The following POLR3B variants were observed in gnomAD, a reference collection of about 807,000 sequenced individuals.
The protein encoded by POLR3B is RNA polymerase III subunit B, also known as DNA-directed RNA polymerase III subunit RPC2.
A neutral mutation model predicts 147.4 loss-of-function variants in POLR3B; 96 were observed. That is an observed-to-expected ratio of 0.65 (90% CI 0.55 to 0.77). The LOEUF (loss-of-function observed/expected upper bound fraction) is 0.77, where lower values mean the gene tolerates loss of function less well. Ranked by LOEUF, POLR3B falls within the 30% of genes least tolerant of loss-of-function variation. The pLI, the probability that POLR3B is intolerant of heterozygous loss-of-function variation, is 0.00. For missense variants in POLR3B, 1,036 were observed against 1,413.5 expected (o/e 0.73, Z 4.28); for synonymous variants, 461 against 485.9 (o/e 0.95, Z 0.67).
At chr12:106,462,966 G>C (rs1433976026) in intron 22 of POLR3B, among the ~76,000 whole-genome samples, 1 of 152,000 alleles carries the variant, frequency 6.6e-6, no homozygotes, top group Non-Finnish European at 1.5e-5. Context: ...TCCTTGATTG[G>C]ATTGTGAGCT....
At chr12:106,496,692 AAGC>A (rs1363971416) in intron 24 of POLR3B, 57 bp from the exon 25 acceptor site, 1 of 1,412,266 alleles carries the variant, frequency 7.1e-7, no homozygotes, top group African/African-American at 1.4e-5. Context: ...GGAGATAAAT[AAGC>A]AGAGAGAGTG....
At chr12:106,390,453 G>A (rs2036899532) in intron 9 of POLR3B, among the ~76,000 whole-genome samples, 1 of 152,052 alleles carries the variant, frequency 6.6e-6, no homozygotes, top group Non-Finnish European at 1.5e-5. Context: ...CAAAGTAAAT[G>A]CAACTCAGTG....
intron 10 of POLR3B, among the ~76,000 whole-genome samples, chr12:106,398,013 G>A (rs890470852): frequency 2.0e-5 from 3 of 152,220 alleles, no homozygotes; most frequent in Non-Finnish European, 2.9e-5. Context: ...CGCACCGTGC[G>A]TGAGCCAAAG....
At chr12:106,507,935 A>G (rs1288295679) in intron 27 of POLR3B, 1 of 373,300 alleles carries the variant, frequency 2.7e-6, no homozygotes, top group Non-Finnish European at 5.3e-6. Context: ...GATGACCACT[A>G]TTAACATTTT....
chr12:106,404,050 A>G (rs1406832730), intron 10 of POLR3B, among the ~76,000 whole-genome samples: 4 of 151,528 alleles, frequency 2.6e-5, no homozygotes, highest in Admixed American at 2.6e-4. Context: ...AAATGATTGT[A>G]CCATTTTGCA....
chr12:106,433,938 G>C, intron 16 of POLR3B, 66 bp downstream of exon 16: 2 of 1,336,790 alleles, frequency 1.5e-6, no homozygotes, highest in Non-Finnish European at 2.1e-6. Context: ...GAAAGAAATA[G>C]ACTTGTTTTT....
chr12:106,465,647 G>A (rs992881118), intron 23 of POLR3B, among the ~76,000 whole-genome samples: 1 of 152,150 alleles, frequency 6.6e-6, no homozygotes. Context: ...GGTGTGTGAT[G>A]TTCCCCTCCC....
In POLR3B at chr12:106,442,890, A is replaced by T. The variant is rs147169054; in HGVS notation, c.1956-1573A>T. ...GTACTCTTTCCTATTAACACATCTG[A>T]GTAGCTTCATCATTTGGCCAAAAAA... On this transcript the variant is annotated intron_variant, in intron 18 of 27. Coordinates refer to ENST00000228347, the MANE Select transcript of POLR3B (RefSeq NM_018082.6). 2.9e-3 allele frequency among the ~76,000 whole-genome samples: 444 copies of T among 152,250 alleles called. 2 individuals are homozygous for T. Among genetic ancestry groups the T allele is most frequent in the African/African-American group, 0.01 (417 of 41,550 alleles).
At chr12:106,448,473 G>C (rs2037753906) in intron 19 of POLR3B, among the ~76,000 whole-genome samples, 1 of 103,610 alleles carries the variant, frequency 9.7e-6, no homozygotes, top group Admixed American at 1.5e-4. Context: ...GAGTCTTGCT[G>C]TCACCCAGGC....
At chr12:106,417,738 G>T (rs1163876863) in intron 12 of POLR3B, among the ~76,000 whole-genome samples, 2 of 152,084 alleles carry the variant, frequency 1.3e-5, no homozygotes, top group Non-Finnish European at 1.5e-5. Context: ...CCTTCAGATT[G>T]ACCATTGTGC....
At chr12:106,507,034 A>G (rs904224204) in intron 27 of POLR3B, among the ~76,000 whole-genome samples, 7 of 152,148 alleles carry the variant, frequency 4.6e-5, no homozygotes, top group African/African-American at 1.2e-4. Context: ...AGGCATTGCT[A>G]TGGGGATGTT....
chr12:106,393,228 G>A (rs779923174), intron 10 of POLR3B, 75 bp downstream of exon 10: 9 of 1,577,546 alleles, frequency 5.7e-6, no homozygotes, highest in South Asian at 4.4e-5. Flanking sequence ...AAAGCTCATC[G>A]GATGTGATGG....
rs147139753 is a variant in POLR3B, at chr12:106,396,991, G to A, written c.846+3838G>A. ...GTTTTAATTAGCTGGGCATGGTGGC[G>A]TGTGCCTGTAGTTCTGCTACTTGGG... On this transcript the variant is annotated intron_variant, in intron 10 of 27. Coordinates refer to ENST00000228347, the MANE Select transcript of POLR3B (RefSeq NM_018082.6). Among the ~76,000 whole-genome samples, 413 of 151,942 alleles carry A rather than the reference G, an allele frequency of 2.7e-3. 1 individual carries two copies. The highest frequency in any genetic ancestry group is 9.0e-3 in the African/African-American group (373 of 41,456).
chr12:106,445,423 A>G (rs562044239), intron 19 of POLR3B, among the ~76,000 whole-genome samples: 2 of 152,238 alleles, frequency 1.3e-5, no homozygotes, highest in East Asian at 3.9e-4. Flanking sequence ...AAGACTGAGT[A>G]TTTTTGAAGG....
intron 19 of POLR3B, among the ~76,000 whole-genome samples, chr12:106,452,773 A>G (rs2037813550): frequency 6.6e-6 from 1 of 152,208 alleles, no homozygotes; most frequent in East Asian, 1.9e-4. Context: ...TTATAGTGCA[A>G]CCTTGATAAA....
intron 18 of POLR3B, among the ~76,000 whole-genome samples, chr12:106,438,075 T>G (rs1235011473): frequency 1.3e-5 from 2 of 152,162 alleles, no homozygotes; most frequent in Non-Finnish European, 2.9e-5. Context: ...TGGTGTGTGT[T>G]GTTCCCCTCC....
At chr12:106,401,975 T>G (rs1438109918) in intron 10 of POLR3B, among the ~76,000 whole-genome samples, 2 of 152,086 alleles carry the variant, frequency 1.3e-5, no homozygotes, top group Non-Finnish European at 2.9e-5. Flanking sequence ...AATCAGGCAG[T>G]TGAAGGAAAT....
rs750294348 is a variant in POLR3B at position 106,432,377 on chromosome 12, TG to T, written c.1526del (p.Gly509AspfsTer6). 1.9e-6 allele frequency: 3 copies of T among 1,613,788 alleles called. No homozygotes were observed. Among genetic ancestry groups the T allele is most frequent in the Non-Finnish European group, 2.5e-6 (3 of 1,179,680 alleles). On this transcript the variant is annotated frameshift_variant, in exon 15 of 28. Transcript: ENST00000228347. LOFTEE classifies it high-confidence loss of function. ...CACACATCACAACTGATATGGAAGA[TG>T]GACCCATTGTTAAATTAGCCAGTAA... ...MTHITTDMED[G>X]PIVKLASNLG...
chr12:106,458,748 C>T (rs938100063), intron 21 of POLR3B, among the ~76,000 whole-genome samples: 11 of 152,100 alleles, frequency 7.2e-5, no homozygotes, highest in Admixed American at 3.3e-4. Context: ...GGAAAATACG[C>T]GCTGTGACAG....
Sources: gnomAD v4.1 joint callset for allele counts (sites outside exome capture counted in the v4.1 genomes callset) on GRCh38, gnomAD v4.1.1 for gene constraint, MANE v1.5 for transcripts, NCBI Gene and HGNC (gene_info 2026-07-23, HGNC 2026-07-21) for gene names.